Variants in ANO4 observed in about 807,000 individuals in gnomAD.
The protein encoded by ANO4 is anoctamin-4.
A neutral mutation model predicts 141.9 loss-of-function variants in ANO4; 69 were observed. The ratio of observed to expected loss-of-function variants is 0.49; its 90% CI spans 0.40 to 0.59. ANO4 has a LOEUF of 0.59. Among genes scored for constraint, ANO4 ranks in the 20% least tolerant of loss-of-function variants. The pLI is 0.00. For missense variants in ANO4, 894 were observed against 1,162.2 expected (o/e 0.77, Z 3.36); for synonymous variants, 350 against 394.3 (o/e 0.89, Z 1.33).
chr12:100,964,236 A>C (rs1186682802), intron 5 of ANO4, among the ~76,000 whole-genome samples: 4 of 152,220 alleles, frequency 2.6e-5, no homozygotes, highest in African/African-American at 9.6e-5. Flanking sequence ...GCCAGACTGC[A>C]TTGATGAGAA....
intron 10 of ANO4, among the ~76,000 whole-genome samples, chr12:101,039,246 T>C (rs1459311339): frequency 6.6e-6 from 1 of 152,160 alleles, no homozygotes; most frequent in African/African-American, 2.4e-5. Context: ...GGCTCACACC[T>C]GTAATCCCAG....
At chr12:101,062,944 C>T (rs928789995) in intron 14 of ANO4, among the ~76,000 whole-genome samples, 2 of 152,196 alleles carry the variant, frequency 1.3e-5, no homozygotes, top group Non-Finnish European at 2.9e-5. Context: ...AAAAATAATT[C>T]CTACAACTAG....
chr12:100,868,116 C>T (rs1166289685), intron 1 of ANO4, among the ~76,000 whole-genome samples: 2 of 152,156 alleles, frequency 1.3e-5, no homozygotes, highest in Admixed American at 1.3e-4. Flanking sequence ...TCTAGACCCA[C>T]AGCTAACCTG....
chr12:101,025,305 A>C (rs1376173135), intron 9 of ANO4, among the ~76,000 whole-genome samples: 1 of 152,236 alleles, frequency 6.6e-6, no homozygotes, highest in Non-Finnish European at 1.5e-5. Context: ...TACCACCTTG[A>C]CATAGTTTCT....
Position 100,971,290 on chromosome 12 carries a change from C to CT in ANO4, c.457-10dup, listed in dbSNP as rs754280425. ...TTGAATATACTTTTCAATTTAGTTTCTTTTTTCTGTTTCAGTCCTCTCTAA... is the reference window on the plus strand; with the variant it reads ...TTGAATATACTTTTCAATTTAGTTTCTTTTTTTCTGTTTCAGTCCTCTCTAA... On this transcript the variant is annotated splice_polypyrimidine_tract_variant and intron_variant, in intron 5 of 27. Coordinates refer to ENST00000392977, the MANE Select transcript of ANO4 (RefSeq NM_001286615.2). 1.3e-6 allele frequency: 2 copies of CT among 1,569,134 alleles called. No individual in the cohort carries two copies. Among genetic ancestry groups the CT allele is most frequent in the Admixed American group, 1.7e-5 (1 of 58,716 alleles).
intron 8 of ANO4, among the ~76,000 whole-genome samples, chr12:100,995,569 A>G (rs990920087): frequency 3.9e-5 from 6 of 152,338 alleles, no homozygotes; most frequent in African/African-American, 1.2e-4. Flanking sequence ...TTCAAAATCA[A>G]TAATGAAAAT....
intron 2 of ANO4, among the ~76,000 whole-genome samples, chr12:100,920,610 C>CT (rs1301939893): frequency 6.6e-6 from 1 of 152,114 alleles, no homozygotes; most frequent in African/African-American, 2.4e-5. Context: ...TCTGTCCTGT[C>CT]TAAGAAACTC....
At chr12:100,719,144 C>T (rs2030745242) in intron 1 of ANO4, among the ~76,000 whole-genome samples, 1 of 152,166 alleles carries the variant, frequency 6.6e-6, no homozygotes, top group Admixed American at 6.5e-5. Flanking sequence ...AAGAATTACA[C>T]AGGTTTCTCA....
At chr12:100,993,800 A>T (rs1461169807) in intron 8 of ANO4, among the ~76,000 whole-genome samples, 17 of 152,188 alleles carry the variant, frequency 1.1e-4, no homozygotes, top group Admixed American at 1.1e-3. Context: ...TAATGCTGGG[A>T]TAACTAGTCT....
chr12:101,109,281 G>A (rs188996921), intron 22 of ANO4, among the ~76,000 whole-genome samples: 56 of 152,112 alleles, frequency 3.7e-4, no homozygotes, highest in Admixed American at 2.3e-3. Flanking sequence ...TTATGTTTTC[G>A]GCTGGGCACG....
At chr12:100,736,336 C>T (rs138828217) in intron 2 of ANO4, among the ~76,000 whole-genome samples, 2 of 152,260 alleles carry the variant, frequency 1.3e-5, no homozygotes, top group East Asian at 3.9e-4. Flanking sequence ...TCTGTATTTA[C>T]TCATTTAATC....
At chr12:101,021,205 G>GC (rs770086757) in intron 9 of ANO4, among the ~76,000 whole-genome samples, 1 of 152,146 alleles carries the variant, frequency 6.6e-6, no homozygotes, top group Non-Finnish European at 1.5e-5. Flanking sequence ...GCCTCGAGTG[G>GC]CTCCAAGGAA....
At position 101,104,653 on chromosome 12, in the gene ANO4, A is replaced by G. The variant is rs1456338041; in HGVS notation, c.2149+4933A>G. 2.2e-3 allele frequency among the ~76,000 whole-genome samples: 145 copies of G among 64,540 alleles called. 2 individuals are homozygous for G. Among genetic ancestry groups the G allele is most frequent in the South Asian group, 3.3e-3 (7 of 2,100 alleles). 42.3% of individuals were successfully genotyped at this position (64,540 alleles called of 152,430 possible). Reference sequence around the variant, plus strand: ...TATATATATATATATATATATATATATATATATATATATATATAAATAAAA... The same window carrying G: ...TATATATATATATATATATATATATGTATATATATATATATATAAATAAAA... On this transcript the variant is annotated intron_variant, in intron 22 of 27. Transcript: ENST00000392977.
At chr12:100,841,537 G>C (rs2037248477) in intron 1 of ANO4, among the ~76,000 whole-genome samples, 1 of 152,118 alleles carries the variant, frequency 6.6e-6, no homozygotes, top group Admixed American at 6.6e-5. Flanking sequence ...ATAATGAATA[G>C]GGGGTTGCAA....
chr12:100,779,920 G>A (rs1009409701), intron 3 of ANO4, among the ~76,000 whole-genome samples: 10 of 151,984 alleles, frequency 6.6e-5, no homozygotes, highest in Non-Finnish European at 1.2e-4. Context: ...AAAATACTTT[G>A]TATTTCCCAG....
intron 1 of ANO4, among the ~76,000 whole-genome samples, chr12:100,892,304 T>G (rs1373145417): frequency 6.6e-6 from 1 of 152,180 alleles, no homozygotes; most frequent in African/African-American, 2.4e-5. Flanking sequence ...TAAATCACTC[T>G]TTATGAATTA....
intron 5 of ANO4, among the ~76,000 whole-genome samples, chr12:100,964,419 T>G (rs551796498): frequency 6.6e-6 from 1 of 152,188 alleles, no homozygotes; most frequent in Non-Finnish European, 1.5e-5. Flanking sequence ...AGTGGCACTA[T>G]GTAGCTGGTC....
intron 3 of ANO4, among the ~76,000 whole-genome samples, 196 bp downstream of exon 3, chr12:100,922,526 C>T (rs2041676754): frequency 6.6e-6 from 1 of 152,022 alleles, no homozygotes; most frequent in African/African-American, 2.4e-5. Context: ...GAGATTAAAT[C>T]ACATAATAGT....
intron 9 of ANO4, 92 bp downstream of exon 9, chr12:101,020,232 C>T (rs1243301650): frequency 3.6e-6 from 3 of 834,002 alleles, no homozygotes; most frequent in Non-Finnish European, 5.7e-6. Context: ...TCAATTCTAG[C>T]AATGCTTGTC....
Sources: gnomAD v4.1 joint callset for allele counts (sites outside exome capture counted in the v4.1 genomes callset) on GRCh38, gnomAD v4.1.1 for gene constraint, MANE v1.5 for transcripts, NCBI Gene and HGNC (gene_info 2026-07-23, HGNC 2026-07-21) for gene names.